KCNMB2: variants seen among roughly 807,000 people sequenced by gnomAD.
KCNMB2 encodes calcium-activated potassium channel subunit beta-2.
Under a neutral mutation model 24.5 loss-of-function variants are expected in KCNMB2, and 9 were observed. The ratio of observed to expected loss-of-function variants is 0.37; its 90% confidence interval spans 0.22 to 0.64. KCNMB2 has a LOEUF of 0.64. Among genes scored for constraint, KCNMB2 ranks in the 30% least tolerant of loss-of-function variants. The pLI, the probability that KCNMB2 is intolerant of heterozygous loss-of-function variation, is 0.63. For synonymous variants in KCNMB2, 109 were observed against 104.4 expected, an observed-to-expected ratio of 1.04 and a Z score of -0.27; for missense variants, 226 against 284.3, an observed-to-expected ratio of 0.79 and a Z score of 1.47.
At chr3:178,756,258 G>A (rs950421038) in intron 1 of KCNMB2, among the ~76,000 whole-genome samples, 47 of 151,618 alleles carry the variant, frequency 3.1e-4, no homozygotes, top group Middle Eastern at 3.4e-3. Flanking sequence ...GTGTGTATGC[G>A]TGTGTGTGTG....
chr3:178,764,907 G>C (rs1003212308), intron 1 of KCNMB2, among the ~76,000 whole-genome samples: 3 of 152,248 alleles, frequency 2.0e-5, no homozygotes, highest in African/African-American at 7.2e-5. Context: ...AACTCACTCA[G>C]ATAAATGAAC....
intron 1 of KCNMB2, among the ~76,000 whole-genome samples, chr3:178,560,891 A>G (rs1195897531): frequency 6.6e-6 from 1 of 152,186 alleles, no homozygotes; most frequent in Non-Finnish European, 1.5e-5. Context: ...CAGGATGCAA[A>G]CCCAGCGTGA....
intron 1 of KCNMB2, among the ~76,000 whole-genome samples, chr3:178,541,995 G>C (rs1411174340): frequency 2.0e-5 from 3 of 152,052 alleles, no homozygotes; most frequent in Non-Finnish European, 4.4e-5. Flanking sequence ...TAGCCAATTG[G>C]AATTAGTTTA....
At chr3:178,761,365 A>G (rs1711868170) in intron 1 of KCNMB2, among the ~76,000 whole-genome samples, 1 of 152,232 alleles carries the variant, frequency 6.6e-6, no homozygotes, top group Admixed American at 6.5e-5. Context: ...AAAGCACAGA[A>G]GAAATAAAAT....
intron 1 of KCNMB2, among the ~76,000 whole-genome samples, chr3:178,572,390 C>A (rs993430680): frequency 6.6e-6 from 1 of 152,154 alleles, no homozygotes; most frequent in Admixed American, 6.6e-5. Context: ...AGAACAAGTG[C>A]TATCTTGTCT....
At chr3:178,689,187 A>T (rs1325075606) in intron 1 of KCNMB2, among the ~76,000 whole-genome samples, 1 of 151,294 alleles carries the variant, frequency 6.6e-6, no homozygotes, top group African/African-American at 2.4e-5. Flanking sequence ...CCTCAAAAAA[A>T]TGTTAGTTAA....
chr3:178,760,160 A>T lies in KCNMB2; in HGVS notation c.-67-47183A>T, dbSNP rs866933839. On this transcript the variant is annotated intron_variant, in intron 1 of 4. Transcript: ENST00000452583. ...TATATATCCAAGAGGATATATCTATATATATATATATATCCAAGAGGATAT... is the reference window on the plus strand; with the variant it reads ...TATATATCCAAGAGGATATATCTATTTATATATATATATCCAAGAGGATAT... 3.4e-4 allele frequency among the ~76,000 whole-genome samples: 14 copies of T among 41,056 alleles called. 1 individual carries two copies. The highest frequency in any genetic ancestry group is 4.8e-4 in the Non-Finnish European group (12 of 25,010). The allele number at this position is 41,056 out of a possible 152,430, so 26.9% of individuals were successfully genotyped here.
intron 1 of KCNMB2, among the ~76,000 whole-genome samples, chr3:178,784,893 A>C (rs1252351680): frequency 6.6e-6 from 1 of 151,182 alleles, no homozygotes; most frequent in Non-Finnish European, 1.5e-5. Context: ...AAAAAAAAAA[A>C]AAACTATCCA....
At chr3:178,706,607 G>A (rs977489902) in intron 1 of KCNMB2, among the ~76,000 whole-genome samples, 1 of 152,054 alleles carries the variant, frequency 6.6e-6, no homozygotes, top group Non-Finnish European at 1.5e-5. Flanking sequence ...AAAAGAGGAA[G>A]TCATTCTTTC....
At chr3:178,753,036 C>A (rs1245064820) in intron 1 of KCNMB2, among the ~76,000 whole-genome samples, 3 of 152,130 alleles carry the variant, frequency 2.0e-5, no homozygotes, top group Admixed American at 2.0e-4. Context: ...GCTGAACTTG[C>A]ATTTTATACT....
chr3:178,544,796 A>G lies in KCNMB2; in HGVS notation c.-68+8085A>G, dbSNP rs551125431. Among the ~76,000 whole-genome samples, 158 of 152,346 alleles carry G rather than the reference A, an allele frequency of 1.0e-3. 1 individual carries two copies. The highest frequency in any genetic ancestry group is 3.0e-3 in the African/African-American group (125 of 41,594). ...AAAATAGGCAAGTAGTAAAATATGC[A>G]ACTAAAATTTTAAAGTCTAATTTTT... On this transcript the variant is annotated intron_variant, in intron 1 of 4. Coordinates refer to ENST00000452583, the MANE Select transcript of KCNMB2 (RefSeq NM_181361.3).
intron 1 of KCNMB2, among the ~76,000 whole-genome samples, chr3:178,598,071 T>C (rs1302809652): frequency 2.7e-5 from 4 of 150,456 alleles, no homozygotes; most frequent in African/African-American, 7.4e-5. Flanking sequence ...AAACAAGAAA[T>C]ACAGACTTCA....
At chr3:178,597,868 C>G (rs1717932805) in intron 1 of KCNMB2, among the ~76,000 whole-genome samples, 1 of 152,074 alleles carries the variant, frequency 6.6e-6, no homozygotes, top group Non-Finnish European at 1.5e-5. Context: ...TGATAATCTC[C>G]TTGGCTACAA....
At chr3:178,755,954 C>T (rs1236980753) in intron 1 of KCNMB2, among the ~76,000 whole-genome samples, 1 of 152,088 alleles carries the variant, frequency 6.6e-6, no homozygotes, top group East Asian at 1.9e-4. Flanking sequence ...AGACAATACT[C>T]AGTTGAGGTC....
intron 1 of KCNMB2, among the ~76,000 whole-genome samples, chr3:178,769,245 T>A (rs1028979248): frequency 2.0e-5 from 3 of 152,222 alleles, no homozygotes; most frequent in African/African-American, 7.2e-5. Context: ...GTATATATGG[T>A]GTAAATGGAT....
At chr3:178,778,227 C>A (rs1308901676) in intron 1 of KCNMB2, among the ~76,000 whole-genome samples, 1 of 152,006 alleles carries the variant, frequency 6.6e-6, no homozygotes, top group Non-Finnish European at 1.5e-5. Context: ...GAAATTGAGT[C>A]ATCTTTTGAC....
intron 4 of KCNMB2, among the ~76,000 whole-genome samples, chr3:178,836,231 GA>G (rs1026066388): frequency 4.0e-5 from 6 of 151,858 alleles, no homozygotes; most frequent in Non-Finnish European, 7.4e-5. Context: ...AGGCATGTCT[GA>G]AAAAAAGCCC....
chr3:178,554,608 T>A (rs1716063962), intron 1 of KCNMB2, among the ~76,000 whole-genome samples: 1 of 152,188 alleles, frequency 6.6e-6, no homozygotes, highest in Non-Finnish European at 1.5e-5. Flanking sequence ...TTTTTAACAA[T>A]CAATTCTCAG....
intron 1 of KCNMB2, among the ~76,000 whole-genome samples, chr3:178,570,306 TA>T (rs1716726843): frequency 6.6e-6 from 1 of 152,134 alleles, no homozygotes; most frequent in Admixed American, 6.6e-5. Flanking sequence ...TACATTTTTT[TA>T]AATCATTCAC....
Sources: gnomAD v4.1 joint callset for allele counts (sites outside exome capture counted in the v4.1 genomes callset) on GRCh38, gnomAD v4.1.1 for gene constraint, MANE v1.5 for transcripts, NCBI Gene and HGNC (gene_info 2026-07-23, HGNC 2026-07-21) for gene names.